SNX29: variants seen among roughly 807,000 people sequenced by gnomAD.
SNX29 encodes sorting nexin-29.
Under a neutral mutation model 102.1 loss-of-function variants are expected in SNX29, and 78 were observed. The ratio of observed to expected loss-of-function variants is 0.76; its 90% CI spans 0.64 to 0.92. SNX29 has a LOEUF of 0.92. Ranked by LOEUF, SNX29 falls within the 40% of genes least tolerant of loss-of-function variation. The pLI, the probability that SNX29 is intolerant of heterozygous loss-of-function variation, is 0.00. For missense variants in SNX29, 1,280 were observed against 1,061.7 expected (o/e 1.21, Z -2.86); for synonymous variants, 580 against 414.5 (o/e 1.40, Z -4.85).
At chr16:12,349,429 A>G (rs987066648) in intron 15 of SNX29, among the ~76,000 whole-genome samples, 3 of 152,250 alleles carry the variant, frequency 2.0e-5, no homozygotes, top group African/African-American at 7.2e-5. Context: ...GGCTAAATGG[A>G]CACTGTAAGA....
intron 5 of SNX29, among the ~76,000 whole-genome samples, chr16:12,046,041 G>A (rs2050075146): frequency 6.6e-6 from 1 of 152,194 alleles, no homozygotes; most frequent in Non-Finnish European, 1.5e-5. Flanking sequence ...GGCAGGCTTG[G>A]ATTTCCTGTC....
At chr16:12,076,457 T>C (rs2051577782) in intron 10 of SNX29, among the ~76,000 whole-genome samples, 4 of 152,132 alleles carry the variant, frequency 2.6e-5, no homozygotes, top group Admixed American at 2.0e-4. Flanking sequence ...TCCACCACCA[T>C]GCCCGGCTAA....
At chr16:12,499,135 C>T (rs1484700334) in intron 19 of SNX29, among the ~76,000 whole-genome samples, 2 of 152,154 alleles carry the variant, frequency 1.3e-5, no homozygotes, top group Non-Finnish European at 2.9e-5. Context: ...CAGTAGAAGG[C>T]ACAAGTTAGG....
chr16:12,201,907 G>A (rs1352345775), intron 14 of SNX29, among the ~76,000 whole-genome samples: 2 of 152,094 alleles, frequency 1.3e-5, no homozygotes, highest in Non-Finnish European at 2.9e-5. Flanking sequence ...TAATTTGCAG[G>A]TTCCATATGC....
In SNX29 at chr16:12,351,306, G is replaced by A. The variant is rs182637940; in HGVS notation, c.1783-4857G>A. ...CCATCATCACAGAAAGAGGCTTCAG[G>A]CCCCTCCCCACAACCAGAGTAAACT... On this transcript the variant is annotated intron_variant, in intron 15 of 20. Coordinates refer to ENST00000566228, the MANE Select transcript of SNX29 (RefSeq NM_032167.5). Among the ~76,000 whole-genome samples the A allele has an allele frequency of 1.1e-4, 16 of 152,268 alleles. No individual in the cohort carries two copies. In the East Asian group the frequency reaches 2.9e-3, roughly 28 times the overall value.
chr16:12,502,174 G>T (rs1428328818), intron 19 of SNX29, among the ~76,000 whole-genome samples: 1 of 152,218 alleles, frequency 6.6e-6, no homozygotes, highest in African/African-American at 2.4e-5. Context: ...ACTAGGGTCT[G>T]ATGAGGCCTC....
chr16:11,995,365 C>G (rs2056025807), intron 1 of SNX29, among the ~76,000 whole-genome samples: 1 of 152,118 alleles, frequency 6.6e-6, no homozygotes. Flanking sequence ...CTGTGCCTGG[C>G]TGACCCCTTT....
At chr16:12,302,152 G>C (rs1355994843) in intron 15 of SNX29, among the ~76,000 whole-genome samples, 1 of 152,216 alleles carries the variant, frequency 6.6e-6, no homozygotes, top group African/African-American at 2.4e-5. Context: ...TAAAGGGCCA[G>C]AGGGTGGATG....
intron 15 of SNX29, among the ~76,000 whole-genome samples, chr16:12,345,424 A>T (rs2081764971): frequency 6.6e-6 from 1 of 152,202 alleles, no homozygotes; most frequent in East Asian, 1.9e-4. Flanking sequence ...TACACTGCAC[A>T]ACAGCTTATG....
chr16:12,326,060 C>G (rs891698971), intron 15 of SNX29, among the ~76,000 whole-genome samples: 1 of 151,700 alleles, frequency 6.6e-6, no homozygotes, highest in South Asian at 2.1e-4. Flanking sequence ...GAGCCTCACT[C>G]TGGTGCCCAG....
intron 11 of SNX29, among the ~76,000 whole-genome samples, chr16:12,124,360 A>G (rs2054113951): frequency 6.6e-6 from 1 of 151,758 alleles, no homozygotes; most frequent in South Asian, 2.1e-4. Context: ...CGTCTCAAAA[A>G]AAAAAAAAAA....
intron 14 of SNX29, among the ~76,000 whole-genome samples, chr16:12,255,388 C>T (rs1011728818): frequency 3.3e-5 from 5 of 151,896 alleles, no homozygotes; most frequent in South Asian, 2.1e-4. Flanking sequence ...GACAGGGTTT[C>T]GCCATATTAA....
intron 18 of SNX29, among the ~76,000 whole-genome samples, chr16:12,456,131 G>A (rs2086528888): frequency 6.6e-6 from 1 of 152,120 alleles, no homozygotes; most frequent in Non-Finnish European, 1.5e-5. Flanking sequence ...CTGGGTACTA[G>A]GGCATAGTGA....
At chr16:12,110,281 G>T (rs997282147) in intron 11 of SNX29, among the ~76,000 whole-genome samples, 1 of 152,086 alleles carries the variant, frequency 6.6e-6, no homozygotes, top group Admixed American at 6.6e-5. Flanking sequence ...TATTTCCTGG[G>T]GTGAGGCAGC....
intron 18 of SNX29, among the ~76,000 whole-genome samples, chr16:12,453,297 C>T (rs2086389014): frequency 6.6e-6 from 1 of 152,206 alleles, no homozygotes; most frequent in South Asian, 2.1e-4. Context: ...CACATGACCA[C>T]CATCTTCCCC....
chr16:12,246,720 C>T (rs1221953803), intron 14 of SNX29, among the ~76,000 whole-genome samples: 2 of 152,160 alleles, frequency 1.3e-5, no homozygotes, highest in African/African-American at 2.4e-5. Context: ...TATATGTGAC[C>T]AGCACAGAAG....
intron 11 of SNX29, among the ~76,000 whole-genome samples, chr16:12,116,233 C>G (rs897927777): frequency 6.6e-6 from 1 of 152,170 alleles, no homozygotes; most frequent in African/African-American, 2.4e-5. Flanking sequence ...AGTAGAGACT[C>G]AAACAGGTAA....
At chr16:12,486,679 T>C (rs2088254448) in intron 19 of SNX29, among the ~76,000 whole-genome samples, 1 of 152,218 alleles carries the variant, frequency 6.6e-6, no homozygotes, top group Non-Finnish European at 1.5e-5. Context: ...GTTGCCCATT[T>C]GATGGACATT....
intron 16 of SNX29, among the ~76,000 whole-genome samples, chr16:12,387,900 G>A (rs552767982): frequency 2.6e-5 from 4 of 152,290 alleles, no homozygotes; most frequent in South Asian, 2.1e-4. Context: ...AAACTCTAAG[G>A]AAGAACCCTG....
Sources: gnomAD v4.1 joint callset for allele counts (sites outside exome capture counted in the v4.1 genomes callset) on GRCh38, gnomAD v4.1.1 for gene constraint, MANE v1.5 for transcripts, NCBI Gene and HGNC (gene_info 2026-07-23, HGNC 2026-07-21) for gene names.